Variants in PRKG1 observed in about 807,000 individuals in gnomAD.
The protein encoded by PRKG1 is cGMP-dependent protein kinase 1.
A neutral mutation model predicts 88.1 loss-of-function variants in PRKG1; 35 were observed. That is an observed-to-expected ratio of 0.40 (90% CI 0.30 to 0.53). The LOEUF (loss-of-function observed/expected upper bound fraction) is 0.53, where lower values mean the gene tolerates loss of function less well. Ranked by LOEUF, PRKG1 falls within the 20% of genes least tolerant of loss-of-function variation. The pLI, the probability that PRKG1 is intolerant of heterozygous loss-of-function variation, is 0.59. For synonymous variants in PRKG1, 303 were observed against 292.5 expected, an observed-to-expected ratio of 1.04 and a Z score of -0.37; for missense variants, 540 against 839.8, an observed-to-expected ratio of 0.64 and a Z score of 4.41.
At chr10:52,034,134 C>T (rs906988307) in intron 5 of PRKG1, among the ~76,000 whole-genome samples, 42 of 152,080 alleles carry the variant, frequency 2.8e-4, no homozygotes, top group African/African-American at 9.7e-4. Flanking sequence ...TCTTCAGTTA[C>T]TTCAGGCCAT....
intron 9 of PRKG1, among the ~76,000 whole-genome samples, chr10:52,231,626 G>T (rs750839314): frequency 2.6e-5 from 4 of 152,062 alleles, no homozygotes; most frequent in Non-Finnish European, 4.4e-5. Context: ...ACCTAAGAAA[G>T]GTCTTATCTC....
At chr10:51,557,745 A>G (rs957166539) in intron 3 of PRKG1, among the ~76,000 whole-genome samples, 3 of 152,044 alleles carry the variant, frequency 2.0e-5, no homozygotes. Flanking sequence ...AACCTGAATG[A>G]TGACCTTAAG....
At chr10:51,252,391 TG>T (rs1236707053) in intron 2 of PRKG1, among the ~76,000 whole-genome samples, 1 of 151,826 alleles carries the variant, frequency 6.6e-6, no homozygotes, top group Non-Finnish European at 1.5e-5. Flanking sequence ...ATAAAATGCA[TG>T]TTTTTTATAA....
intron 9 of PRKG1, among the ~76,000 whole-genome samples, chr10:52,172,425 T>A (rs533117091): frequency 3.9e-5 from 6 of 152,318 alleles, no homozygotes; most frequent in Admixed American, 1.3e-4. Context: ...CTCTTTAAAT[T>A]CTGTGGATAC....
intron 1 of PRKG1, among the ~76,000 whole-genome samples, chr10:51,146,164 G>A (rs138399167): frequency 6.6e-6 from 1 of 151,694 alleles, no homozygotes; most frequent in African/African-American, 2.4e-5. Flanking sequence ...ACTCCAGCCT[G>A]GGTGACAGAA....
intron 5 of PRKG1, among the ~76,000 whole-genome samples, chr10:51,975,313 G>T (rs1347481966): frequency 1.3e-5 from 2 of 152,006 alleles, no homozygotes; most frequent in African/African-American, 4.8e-5. Flanking sequence ...TAGGACAGAA[G>T]CAGCCTTCGC....
intron 9 of PRKG1, chr10:52,184,871 A>C (rs373795639): frequency 1.3e-5 from 2 of 152,252 alleles, no homozygotes; most frequent in East Asian, 3.9e-4. Context: ...GCAATAACTC[A>C]CTTATCACGA....
intron 7 of PRKG1, among the ~76,000 whole-genome samples, chr10:52,110,632 A>G (rs1003852614): frequency 3.3e-5 from 5 of 152,138 alleles, no homozygotes; most frequent in African/African-American, 1.2e-4. Context: ...TGCTTTTTAG[A>G]GCCGAGACAT....
At chr10:51,896,531 G>C (rs1490914058) in intron 4 of PRKG1, among the ~76,000 whole-genome samples, 1 of 145,944 alleles carries the variant, frequency 6.9e-6, no homozygotes, top group Non-Finnish European at 1.5e-5. Flanking sequence ...TTCATAGTGA[G>C]ACCCTGTCTC....
At chr10:51,535,980 C>T (rs1842141316) in intron 3 of PRKG1, among the ~76,000 whole-genome samples, 3 of 152,254 alleles carry the variant, frequency 2.0e-5, no homozygotes, top group South Asian at 4.2e-4. Flanking sequence ...GCCTCAGCTT[C>T]CCAAAGCCCT....
At chr10:52,012,877 C>T (rs554702831) in intron 5 of PRKG1, among the ~76,000 whole-genome samples, 35 of 152,136 alleles carry the variant, frequency 2.3e-4, no homozygotes, top group Admixed American at 4.6e-4. Context: ...TTATATTCAC[C>T]GCATACTATG....
chr10:52,086,065 T>C (rs148382864), intron 7 of PRKG1, among the ~76,000 whole-genome samples: 3 of 152,244 alleles, frequency 2.0e-5, no homozygotes, highest in Admixed American at 1.3e-4. Flanking sequence ...GCTGAATTCA[T>C]ATATTTCTGT....
intron 5 of PRKG1, among the ~76,000 whole-genome samples, chr10:51,995,032 A>G (rs1320656039): frequency 6.6e-6 from 1 of 152,150 alleles, no homozygotes; most frequent in African/African-American, 2.4e-5. Context: ...GTTGCTATTA[A>G]TCGGCACTTA....
intron 9 of PRKG1, among the ~76,000 whole-genome samples, chr10:52,210,551 T>C (rs548096137): frequency 1.3e-5 from 2 of 152,352 alleles, no homozygotes; most frequent in African/African-American, 4.8e-5. Context: ...TCTATATTTT[T>C]ATTAGAATAT....
chr10:52,174,648 CTATT>C (rs375507090), intron 9 of PRKG1, among the ~76,000 whole-genome samples: 325 of 151,880 alleles, frequency 2.1e-3, no homozygotes, highest in African/African-American at 6.8e-3. Flanking sequence ...ATGTTTTTGG[CTATT>C]TATTTCATTC....
At chr10:51,653,351 C>T (rs1205390642) in intron 3 of PRKG1, among the ~76,000 whole-genome samples, 1 of 152,132 alleles carries the variant, frequency 6.6e-6, no homozygotes, top group East Asian at 1.9e-4. Context: ...ATTCCCTTTT[C>T]TCCACATCCT....
intron 2 of PRKG1, among the ~76,000 whole-genome samples, chr10:51,321,837 T>C (rs535423348): frequency 2.6e-5 from 4 of 152,260 alleles, no homozygotes; most frequent in Admixed American, 2.6e-4. Flanking sequence ...TTATTATGCA[T>C]TGCATGCCTG....
At chr10:51,286,601 G>C (rs1390776520) in intron 2 of PRKG1, among the ~76,000 whole-genome samples, 1 of 152,076 alleles carries the variant, frequency 6.6e-6, no homozygotes, top group East Asian at 1.9e-4. Flanking sequence ...GACATATACA[G>C]TTATTATAAT....
At chr10:51,743,207 C>T (rs991377141) in intron 3 of PRKG1, among the ~76,000 whole-genome samples, 4 of 152,024 alleles carry the variant, frequency 2.6e-5, no homozygotes, top group Non-Finnish European at 4.4e-5. Flanking sequence ...AGGACAGACG[C>T]GGTAACAGGG....
Sources: allele counts gnomAD v4.1 joint callset (sites outside exome capture counted in the v4.1 genomes callset), GRCh38; gene constraint gnomAD v4.1.1; transcripts MANE v1.5; gene names NCBI Gene and HGNC (gene_info 2026-07-23, HGNC 2026-07-21).